SAMMSON: variants seen among roughly 807,000 people sequenced by gnomAD.
The protein encoded by SAMMSON is survival associated mitochondrial melanoma specific oncogenic non-coding RNA, also known as long intergenic non-protein coding RNA 1212.
At chr3:70,065,348 C>T (rs7651972) in intron 3 of SAMMSON, 64,929 of 151,746 alleles carry the variant, frequency 0.43, 14,305 homozygotes, top group East Asian at 0.61. Flanking sequence ...AGTTTGGCTT[C>T]GAAATCCATG....
intron 4 of SAMMSON, among the ~76,000 whole-genome samples, chr3:70,221,231 A>G (rs527877419): frequency 3.0e-4 from 46 of 152,296 alleles, no homozygotes; most frequent in African/African-American, 1.0e-3. Context: ...AGTGCCTGCT[A>G]TAATAATAAA....
chr3:70,424,608 G>A (rs11917867), intron 2 of SAMMSON, among the ~76,000 whole-genome samples: 1,933 of 151,840 alleles, frequency 0.013, 35 homozygotes, highest in African/African-American at 0.043. Flanking sequence ...AATAAAATAC[G>A]GCTTTTATTT....
chr3:70,184,157 T>C (rs1701074615), intron 4 of SAMMSON: 1 of 152,240 alleles, frequency 6.6e-6, no homozygotes, highest in Admixed American at 6.5e-5. Flanking sequence ...TCATCCGTGA[T>C]GCTTCTTCAA....
intron 4 of SAMMSON, among the ~76,000 whole-genome samples, chr3:70,217,329 G>T (rs868428412): frequency 7.9e-5 from 12 of 152,180 alleles, no homozygotes; most frequent in Admixed American, 3.9e-4. Flanking sequence ...AAGCATTGTT[G>T]TCATGATTTT....
intron 7 of SAMMSON, among the ~76,000 whole-genome samples, chr3:70,294,078 C>T (rs1217348364): frequency 6.6e-6 from 1 of 151,960 alleles, no homozygotes; most frequent in African/African-American, 2.4e-5. Flanking sequence ...AAAGACATGG[C>T]CATGTTTTAA....
At chr3:70,110,269 AC>A (rs985647062) in intron 4 of SAMMSON, among the ~76,000 whole-genome samples, 1 of 152,168 alleles carries the variant, frequency 6.6e-6, no homozygotes, top group African/African-American at 2.4e-5. Context: ...ATTGTTTGGC[AC>A]ATTGTCAGTG....
intron 4 of SAMMSON, among the ~76,000 whole-genome samples, chr3:70,102,160 A>G (rs988269727): frequency 1.3e-5 from 2 of 152,016 alleles, no homozygotes; most frequent in Non-Finnish European, 2.9e-5. Flanking sequence ...TCTTATCTGA[A>G]TTAAGTTGAT....
intron 3 of SAMMSON, among the ~76,000 whole-genome samples, chr3:70,029,497 T>A (rs1030459195): frequency 1.3e-5 from 2 of 152,122 alleles, no homozygotes; most frequent in Non-Finnish European, 2.9e-5. Flanking sequence ...CTCATGCCTG[T>A]AATGCTCCCA....
chr3:70,140,514 T>G (rs2067523721), intron 4 of SAMMSON: 1 of 160,322 alleles, frequency 6.2e-6, no homozygotes, highest in Non-Finnish European at 1.4e-5. Context: ...TACTTCAGCC[T>G]TCATCACCTT....
chr3:70,134,320 CCT>C lies in SAMMSON; in HGVS notation n.507+62756_507+62757del, dbSNP rs2067496965. 3.3e-5 allele frequency among the ~76,000 whole-genome samples: 5 copies of C among 149,268 alleles called. No homozygotes were observed. The South Asian group carries it at 1.1e-3, about 31-fold the overall frequency. On this transcript the variant is annotated intron_variant and non_coding_transcript_variant, in intron 4 of 9. Transcript: ENST00000642114. ...GAAGAAGTTTGTGCCCAGTAGTGTT[CCT>C]GATACATAGAAAGTATTCAATAAAT...
chr3:70,131,489 A>C (rs976310033), intron 4 of SAMMSON, among the ~76,000 whole-genome samples: 2 of 152,176 alleles, frequency 1.3e-5, no homozygotes, highest in African/African-American at 4.8e-5. Flanking sequence ...CAGGGTGAAT[A>C]CTGGGAAGTT....
chr3:70,290,393 C>T (rs1311905594), intron 6 of SAMMSON, among the ~76,000 whole-genome samples: 1 of 152,206 alleles, frequency 6.6e-6, no homozygotes, highest in Non-Finnish European at 1.5e-5. Context: ...GTCAGGGACC[C>T]ACTTGAGGAG....
chr3:70,258,331 A>C (rs1180664100), intron 6 of SAMMSON, among the ~76,000 whole-genome samples: 1 of 152,174 alleles, frequency 6.6e-6, no homozygotes, highest in African/African-American at 2.4e-5. Context: ...GAAAAATACC[A>C]TCAAGAAAAT....
intron 4 of SAMMSON, among the ~76,000 whole-genome samples, chr3:70,163,640 A>G (rs1324275840): frequency 6.6e-6 from 1 of 151,940 alleles, no homozygotes; most frequent in Non-Finnish European, 1.5e-5. Context: ...AAAGAAAGAG[A>G]GTCATAACAA....
intron 7 of SAMMSON, among the ~76,000 whole-genome samples, chr3:70,292,388 T>G (rs1418452931): frequency 6.6e-6 from 1 of 152,198 alleles, no homozygotes; most frequent in African/African-American, 2.4e-5. Flanking sequence ...AAATCCACTA[T>G]GCCTGACACA....
intron 4 of SAMMSON, among the ~76,000 whole-genome samples, chr3:70,229,976 C>A (rs918808598): frequency 6.6e-6 from 1 of 151,890 alleles, no homozygotes; most frequent in Non-Finnish European, 1.5e-5. Flanking sequence ...TTATTGAATT[C>A]TAAGATTTGT....
chr3:70,309,327 G>C (rs570074151), intron 7 of SAMMSON, among the ~76,000 whole-genome samples: 3 of 151,980 alleles, frequency 2.0e-5, no homozygotes, highest in Non-Finnish European at 4.4e-5. Flanking sequence ...ATTAAAAGGA[G>C]GAATTTATAT....
At chr3:70,031,317 T>C (rs2067065378) in intron 3 of SAMMSON, among the ~76,000 whole-genome samples, 1 of 152,142 alleles carries the variant, frequency 6.6e-6, no homozygotes, top group Admixed American at 6.6e-5. Context: ...ATTCCACTTA[T>C]ATGAGGTACC....
At chr3:70,117,288 A>T (rs767456953) in intron 4 of SAMMSON, among the ~76,000 whole-genome samples, 1 of 152,250 alleles carries the variant, frequency 6.6e-6, no homozygotes, top group Non-Finnish European at 1.5e-5. Context: ...GAAATCTTCA[A>T]TTAAGAGGTT....
Sources: gnomAD v4.1 joint callset for allele counts (sites outside exome capture counted in the v4.1 genomes callset) on GRCh38, gnomAD v4.1.1 for gene constraint, MANE v1.5 for transcripts, NCBI Gene and HGNC (gene_info 2026-07-23, HGNC 2026-07-21) for gene names.